Variants in AGK observed in about 807,000 individuals in gnomAD.
AGK encodes acylglycerol kinase, mitochondrial.
Under a neutral mutation model 66.4 loss-of-function variants are expected in AGK, and 52 were observed. The ratio of observed to expected loss-of-function variants is 0.78; its 90% CI spans 0.63 to 0.99. The LOEUF (loss-of-function observed/expected upper bound fraction) is 0.99. Ranked by LOEUF, AGK falls within the 50% of genes least tolerant of loss-of-function variation. The probability of loss-of-function intolerance (pLI) is 0.00; values close to 1 mark genes in which losing one functional copy is unlikely to be tolerated. For missense variants in AGK, 451 were observed against 506.6 expected (o/e 0.89, Z 1.05); for synonymous variants, 182 against 181.1 (o/e 1.00, Z -0.04).
intron 1 of AGK, among the ~76,000 whole-genome samples, chr7:141,552,715 A>G (rs911694767): frequency 6.6e-6 from 1 of 152,232 alleles, no homozygotes; most frequent in African/African-American, 2.4e-5. Flanking sequence ...GAAGCAGGCC[A>G]TAAAAGAATT....
At chr7:141,616,726 A>G (rs1254112556) in intron 8 of AGK, among the ~76,000 whole-genome samples, 1 of 150,412 alleles carries the variant, frequency 6.6e-6, no homozygotes, top group South Asian at 2.1e-4. Flanking sequence ...AGGAGAGGCC[A>G]TTTCAGTTGG....
chr7:141,631,373 C>A (rs1428271316), intron 9 of AGK, among the ~76,000 whole-genome samples: 1 of 152,134 alleles, frequency 6.6e-6, no homozygotes, highest in African/African-American at 2.4e-5. Flanking sequence ...ATTCTCACTT[C>A]AAAACAATTG....
At chr7:141,586,844 A>T (rs1177579596) in intron 2 of AGK, among the ~76,000 whole-genome samples, 2 of 152,312 alleles carry the variant, frequency 1.3e-5, no homozygotes, top group South Asian at 4.1e-4. Flanking sequence ...ATTTTATTTG[A>T]GATTCATTTG....
intron 2 of AGK, among the ~76,000 whole-genome samples, chr7:141,572,776 C>T (rs147192522): frequency 6.6e-6 from 1 of 151,900 alleles, no homozygotes; most frequent in East Asian, 1.9e-4. Flanking sequence ...GTTTTAGATA[C>T]GTTGAGTTTG....
At chr7:141,621,980 T>G (rs1796835671) in intron 9 of AGK, among the ~76,000 whole-genome samples, 179 bp downstream of exon 9, 1 of 152,246 alleles carries the variant, frequency 6.6e-6, no homozygotes, top group African/African-American at 2.4e-5. Flanking sequence ...CTAGTTGTTA[T>G]CACTAATTAA....
chr7:141,587,965 C>T (rs1796028597), intron 2 of AGK, among the ~76,000 whole-genome samples: 1 of 152,194 alleles, frequency 6.6e-6, no homozygotes, highest in Admixed American at 6.5e-5. Context: ...TCCTAAGCTT[C>T]TTCAGGGCAG....
At chr7:141,652,571 C>A in intron 15 of AGK, 1 of 420,802 alleles carries the variant, frequency 2.4e-6, no homozygotes, top group Non-Finnish European at 4.3e-6. Context: ...AAAATAAATC[C>A]TTTTTCATGG....
intron 5 of AGK, among the ~76,000 whole-genome samples, chr7:141,610,013 G>A (rs545383864): frequency 2.3e-4 from 34 of 151,016 alleles, no homozygotes; most frequent in Admixed American, 2.0e-3. Flanking sequence ...CTGTCGCCCA[G>A]GCTGGAGTGC....
At chr7:141,650,348 A>C (rs1797525405) in intron 14 of AGK, 1 of 186,164 alleles carries the variant, frequency 5.4e-6, no homozygotes, top group Non-Finnish European at 1.0e-5. Context: ...AGCAATATTC[A>C]AATCTCCTTT....
chr7:141,601,124 C>G (rs959938986), intron 4 of AGK, 81 bp from the exon 5 acceptor site: 17 of 1,028,164 alleles, frequency 1.7e-5, no homozygotes, highest in Non-Finnish European at 2.5e-5. Flanking sequence ...CTTATTCTGC[C>G]CTGAAGAAGA....
chr7:141,568,118 G>C (rs901078169), intron 2 of AGK, among the ~76,000 whole-genome samples: 5 of 152,204 alleles, frequency 3.3e-5, no homozygotes, highest in African/African-American at 1.2e-4. Context: ...TGAGTGACTT[G>C]AGAGACTGCC....
Position 141,652,977 on chromosome 7 carries a change from A to C in AGK, c.*53A>C. 1 of 1,605,414 alleles carries C rather than the reference A, an allele frequency of 6.2e-7. No individual in the cohort carries two copies. Among genetic ancestry groups the C allele is most frequent in the African/African-American group, 1.3e-5 (1 of 74,804 alleles). On this transcript the variant is annotated 3_prime_UTR_variant, in exon 16 of 16. Transcript: ENST00000649286. ...ACACTTTAGGCCACCGGTGGGACCA[A>C]AAGGGAACAGGTGCCTCAGCCATCC...
intron 6 of AGK, among the ~76,000 whole-genome samples, chr7:141,611,793 G>A (rs919824476): frequency 2.0e-5 from 3 of 152,130 alleles, no homozygotes; most frequent in African/African-American, 7.2e-5. Context: ...TCAATGAGAT[G>A]CCACTATGCA....
Position 141,596,593 on chromosome 7 carries a change from C to T in AGK, c.173C>T (p.Ala58Val), listed in dbSNP as rs1287612321. Residue 58 changes from alanine (A) to valine (V), a missense_variant, in exon 4 of 16, where the codon GCA becomes GTA. Ala to Val is a moderately conservative substitution (Grantham distance 64). Coordinates refer to ENST00000649286, the MANE Select transcript of AGK (RefSeq NM_018238.4). ...GGCAATCAACTCATTCCTCCCAATG[C>T]ACAAGTGAAGAAGGCCACTGTTTTT... is the stretch of plus-strand genomic sequence containing the variant. ...VFGNQLIPPNAQVKKATVFLN... is the reference protein window; with the variant it reads ...VFGNQLIPPNVQVKKATVFLN... 2 of 1,614,070 alleles carry T rather than the reference C, an allele frequency of 1.2e-6. No homozygotes were observed. Among genetic ancestry groups the T allele is most frequent in the Admixed American group, 1.7e-5 (1 of 60,014 alleles).
chr7:141,559,733 G>A (rs986597084), intron 2 of AGK, among the ~76,000 whole-genome samples: 3 of 151,992 alleles, frequency 2.0e-5, no homozygotes, highest in Non-Finnish European at 4.4e-5. Context: ...ATGAACACGG[G>A]ATGTCTTTTT....
chr7:141,629,729 T>G (rs1187173714), intron 9 of AGK, among the ~76,000 whole-genome samples: 1 of 152,124 alleles, frequency 6.6e-6, no homozygotes, highest in South Asian at 2.1e-4. Flanking sequence ...CAGTGGAACT[T>G]TGGGGTCACA....
In AGK at chr7:141,556,597, C is replaced by T. The variant is rs1172297905; in HGVS notation, c.101+1030C>T. On this transcript the variant is annotated intron_variant, in intron 2 of 15. Transcript: ENST00000649286. ...CATGTTTGCCCCAAGCAGTTCCCAG[C>T]TTGACTGTTTTTCTTTAGCTTAGTG... Among the ~76,000 whole-genome samples, 6 of 151,728 alleles carry T rather than the reference C, an allele frequency of 4.0e-5. No homozygotes were observed. In the South Asian group the frequency reaches 1.0e-3, roughly 26 times the overall value.
At chr7:141,551,629 C>T (rs1360097584) in intron 1 of AGK, among the ~76,000 whole-genome samples, 195 bp downstream of exon 1, 1 of 152,082 alleles carries the variant, frequency 6.6e-6, no homozygotes, top group Non-Finnish European at 1.5e-5. Flanking sequence ...GTAGGGGGTG[C>T]GGGCCTGGCC....
chr7:141,651,158 C>A (rs1268481951), intron 14 of AGK, among the ~76,000 whole-genome samples: 1 of 152,066 alleles, frequency 6.6e-6, no homozygotes. Context: ...ACAAGAAGTA[C>A]CAAATACCAG....
Sources: gnomAD v4.1 joint callset for allele counts (sites outside exome capture counted in the v4.1 genomes callset) on GRCh38, gnomAD v4.1.1 for gene constraint, MANE v1.5 for transcripts, NCBI Gene and HGNC (gene_info 2026-07-23, HGNC 2026-07-21) for gene names.